The following DYNC1LI1 variants were observed in gnomAD, a reference collection of about 807,000 sequenced individuals.
DYNC1LI1 encodes dynein cytoplasmic 1 light intermediate chain 1.
DYNC1LI1 carries 19 observed loss-of-function variants against 63.8 expected under a neutral mutation model. The observed-to-expected ratio is 0.30, with a 90% CI of 0.21 to 0.44. The LOEUF is 0.44. Ranked by LOEUF, DYNC1LI1 falls within the 20% of genes least tolerant of loss-of-function variation. The pLI is 1.00. For missense variants in DYNC1LI1, 565 were observed against 630.2 expected, an observed-to-expected ratio of 0.90 and a Z score of 1.11; for synonymous variants, 225 against 232.3, an observed-to-expected ratio of 0.97 and a Z score of 0.28.
At chr3:32,549,599 A>G (rs894346866) in intron 2 of DYNC1LI1, among the ~76,000 whole-genome samples, 13 of 152,128 alleles carry the variant, frequency 8.5e-5, no homozygotes, top group Admixed American at 5.9e-4. Flanking sequence ...ACAATATTCA[A>G]TAAGTATTTT....
At chr3:32,544,848 C>A in intron 4 of DYNC1LI1, 28 bp downstream of exon 4, 2 of 1,490,812 alleles carry the variant, frequency 1.3e-6, no homozygotes, top group Non-Finnish European at 9.3e-7. Flanking sequence ...GTATTTGAAA[C>A]CTACATTACT....
At chr3:32,537,929 ATATATATAAT>A (rs1396345585) in intron 5 of DYNC1LI1, among the ~76,000 whole-genome samples, 7,360 of 25,144 alleles carry the variant, frequency 0.29, 1,448 homozygotes, top group Middle Eastern at 0.37. Context: ...TATATATAAT[ATATATATAAT>A]ATATATATAA....
chr3:32,555,107 T>A (rs139853967), intron 2 of DYNC1LI1, among the ~76,000 whole-genome samples: 24 of 152,296 alleles, frequency 1.6e-4, no homozygotes, highest in African/African-American at 5.8e-4. Flanking sequence ...TGGCCTCAAG[T>A]GATCTGCCCG....
chr3:32,530,208 G>T, intron 10 of DYNC1LI1, 76 bp downstream of exon 10: 1 of 1,201,788 alleles, frequency 8.3e-7, no homozygotes, highest in Non-Finnish European at 1.2e-6. Flanking sequence ...TATGAAATAT[G>T]TACATAATTA....
At chr3:32,559,882 C>T (rs1645726214) in intron 2 of DYNC1LI1, among the ~76,000 whole-genome samples, 1 of 152,164 alleles carries the variant, frequency 6.6e-6, no homozygotes. Context: ...ACTGAACTAC[C>T]TGTGGCGTAC....
chr3:32,564,675 C>A (rs79008855), intron 2 of DYNC1LI1, among the ~76,000 whole-genome samples: 8,734 of 152,238 alleles, frequency 0.057, 298 homozygotes, highest in South Asian at 0.079. Flanking sequence ...TAATTTCATG[C>A]TAATTCTTTG....
In DYNC1LI1 at chr3:32,545,789, T is replaced by C. The variant is rs906391908; in HGVS notation, c.337+60A>G. ...CACACTAAAAAAAATCAAAGACTAA[T>C]GTGAATGGCAGTGCACCTCAAAATA... On this transcript the variant is annotated intron_variant, in intron 3 of 12. Coordinates refer to ENST00000273130, the MANE Select transcript of DYNC1LI1 (RefSeq NM_016141.4). 6.2e-6 allele frequency: 7 copies of C among 1,129,952 alleles called. No individual in the cohort carries two copies. The African/African-American group carries it at 1.1e-4, about 17-fold the overall frequency. The allele number at this position is 1,129,952 out of a possible 1,614,324, so 70.0% of individuals were successfully genotyped here. A position where few individuals can be genotyped will look rare whatever the true frequency, so the allele number is the denominator to read the frequency against.
chr3:32,554,128 AAATT>A (rs1273022626), intron 2 of DYNC1LI1, among the ~76,000 whole-genome samples: 1 of 152,246 alleles, frequency 6.6e-6, no homozygotes, highest in Non-Finnish European at 1.5e-5. Context: ...AAGAGAAAGA[AAATT>A]AATGCACTCT....
chr3:32,569,272 T>C (rs1019943827), intron 2 of DYNC1LI1, among the ~76,000 whole-genome samples: 2 of 152,180 alleles, frequency 1.3e-5, no homozygotes, highest in African/African-American at 2.4e-5. Context: ...AAAACAAGGG[T>C]AAAAACTAAT....
At position 32,526,344 on chromosome 3, in the gene DYNC1LI1, G is replaced by C. The variant is rs1475880502; in HGVS notation, c.*455C>G. On this transcript the variant is annotated 3_prime_UTR_variant, in exon 13 of 13. Transcript: ENST00000273130. ...TGGTGTGCAAAATCTGACAACTGAC[G>C]ATTTTTCTCTGTCAGCAAAACTAAC... 6.5e-6 allele frequency: 1 copy of C among 153,094 alleles called. No individual in the cohort carries two copies. The highest frequency in any genetic ancestry group is 1.5e-5 in the Non-Finnish European group (1 of 68,464). The allele number at this position is 153,094 out of a possible 1,614,324, so 9.5% of individuals were successfully genotyped here.
intron 2 of DYNC1LI1, among the ~76,000 whole-genome samples, chr3:32,569,802 C>A (rs1698316744): frequency 6.6e-6 from 1 of 152,188 alleles, no homozygotes; most frequent in Admixed American, 6.5e-5. Context: ...TGTTCTACTG[C>A]CCTTTACAAA....
chr3:32,542,993 T>C (rs1015490177), intron 4 of DYNC1LI1, among the ~76,000 whole-genome samples: 4 of 152,236 alleles, frequency 2.6e-5, no homozygotes, highest in African/African-American at 9.6e-5. Flanking sequence ...AATTTTATCA[T>C]GCACCAGAAT....
chr3:32,545,035 C>G lies in DYNC1LI1; in HGVS notation c.409G>C (p.Asp137His). 4.3e-6 allele frequency: 7 copies of G among 1,613,994 alleles called. No individual in the cohort carries two copies. The highest frequency in any genetic ancestry group is 5.9e-6 in the Non-Finnish European group (7 of 1,179,936). ...YHKGLLKFSL[D>H]AVSLKDTLVM... Reference sequence around the variant, plus strand: ...AGAGTATCCTTCAGAGATACGGCATCCAGTGAAAATTTAAGGAGGCCTTTG... The same window carrying G: ...AGAGTATCCTTCAGAGATACGGCATGCAGTGAAAATTTAAGGAGGCCTTTG... The change falls in exon 4 of 13, where the codon GAT (aspartate) becomes CAT (histidine). Residue 137 changes from aspartate to histidine, a missense_variant. Transcript: ENST00000273130.
At chr3:32,555,448 G>T (rs1698101841) in intron 2 of DYNC1LI1, among the ~76,000 whole-genome samples, 1 of 152,230 alleles carries the variant, frequency 6.6e-6, no homozygotes, top group African/African-American at 2.4e-5. Context: ...CCAGGAATCT[G>T]ATCTGAGGTA....
chr3:32,547,411 T>C (rs1361389433), intron 2 of DYNC1LI1, among the ~76,000 whole-genome samples: 1 of 152,220 alleles, frequency 6.6e-6, no homozygotes, highest in Non-Finnish European at 1.5e-5. Context: ...TAAGGACTTA[T>C]TCCTGAAGAT....
chr3:32,549,123 T>C (rs776621852), intron 2 of DYNC1LI1, among the ~76,000 whole-genome samples: 42 of 152,148 alleles, frequency 2.8e-4, no homozygotes, highest in Non-Finnish European at 5.9e-4. Context: ...AGTTGTTATA[T>C]TGATGTTTCT....
chr3:32,552,927 C>T (rs1698064467), intron 2 of DYNC1LI1, among the ~76,000 whole-genome samples: 1 of 152,090 alleles, frequency 6.6e-6, no homozygotes, highest in Admixed American at 6.5e-5. Context: ...GATCTCTTGA[C>T]CTCGTGATCT....
chr3:32,570,829 T>G lies in DYNC1LI1; in HGVS notation c.-59A>C. On this transcript the variant is annotated 5_prime_UTR_variant, in exon 1 of 13. Coordinates refer to ENST00000273130, the MANE Select transcript of DYNC1LI1 (RefSeq NM_016141.4). ...TAAATGTGCGAGGCGGCTGAGGCGGTGGCGGTGGAGGCGGCGGGAACCCGG... is the reference window on the plus strand; with the variant it reads ...TAAATGTGCGAGGCGGCTGAGGCGGGGGCGGTGGAGGCGGCGGGAACCCGG... The G allele has an allele frequency of 9.1e-6, 13 of 1,431,966 alleles. No individual in the cohort carries two copies. The highest frequency in any genetic ancestry group is 1.9e-4 in the Middle Eastern group (1 of 5,312). 88.7% of individuals were successfully genotyped at this position (1,431,966 alleles called of 1,614,324 possible).
At chr3:32,552,590 T>C (rs75446246) in intron 2 of DYNC1LI1, among the ~76,000 whole-genome samples, 37 of 152,258 alleles carry the variant, frequency 2.4e-4, no homozygotes, top group African/African-American at 7.7e-4. Context: ...TCCAGAAAAA[T>C]AGGCATTTCT....
Sources: gnomAD v4.1 joint callset for allele counts (sites outside exome capture counted in the v4.1 genomes callset) on GRCh38, gnomAD v4.1.1 for gene constraint, MANE v1.5 for transcripts, NCBI Gene and HGNC (gene_info 2026-07-23, HGNC 2026-07-21) for gene names.